The following WDR20 variants were observed in gnomAD, a reference collection of about 807,000 sequenced individuals.
WDR20 encodes WD repeat-containing protein 20.
In WDR20, 3 loss-of-function variants were observed where a neutral mutation model predicts 38.7. The ratio of observed to expected loss-of-function variants is 0.08; its 90% CI spans 0.04 to 0.20. The LOEUF is 0.20. Ranked by LOEUF, WDR20 falls within the 10% of genes least tolerant of loss-of-function variation. The pLI is 1.00. For missense variants in WDR20, 559 were observed against 727.7 expected, an observed-to-expected ratio of 0.77 and a Z score of 2.67; for synonymous variants, 298 against 285.6, an observed-to-expected ratio of 1.04 and a Z score of -0.44.
At position 102,194,538 on chromosome 14, in the gene WDR20, G is replaced by A. The variant is rs547575636; in HGVS notation, c.250-400G>A. 6.1e-4 allele frequency among the ~76,000 whole-genome samples: 93 copies of A among 152,362 alleles called. 1 individual carries two copies. Among genetic ancestry groups the A allele is most frequent in the Middle Eastern group, 3.4e-3 (1 of 294 alleles). On this transcript the variant is annotated intron_variant, in intron 1 of 2. Transcript: ENST00000342702. ...CCACTGGGCTGCAGGTAACTGGCCA[G>A]TGGGCATGTAGGTGCTGTAGATACA...
chr14:102,212,481 C>G, downstream of WDR20: 1 of 1,534,144 alleles, frequency 6.5e-7, no homozygotes, highest in East Asian at 2.4e-5. Context: ...CACTCTGTGT[C>G]CACTCTGCCC....
chr14:102,196,235 C>T (rs1050348580), intron 2 of WDR20, among the ~76,000 whole-genome samples: 5 of 152,096 alleles, frequency 3.3e-5, no homozygotes, highest in Non-Finnish European at 7.3e-5. Flanking sequence ...CATGCCATCT[C>T]TTCTAGTTTC....
chr14:102,161,142 A>ATATATATATATATATATATAT (rs1342924049), intron 1 of WDR20, among the ~76,000 whole-genome samples: 4 of 16,050 alleles, frequency 2.5e-4, no homozygotes, highest in Non-Finnish European at 3.8e-4. Flanking sequence ...ATATATATAT[A>ATATATATATATATATATATAT]TTTTTTTTTT....
chr14:102,142,304 TTTG>T (rs542702339), intron 1 of WDR20, among the ~76,000 whole-genome samples: 169 of 152,348 alleles, frequency 1.1e-3, no homozygotes, highest in Non-Finnish European at 1.9e-3. Flanking sequence ...TTGGCATTTA[TTTG>T]TTGTTATTTC....
At chr14:102,149,715 A>G (rs1426959478) in intron 1 of WDR20, among the ~76,000 whole-genome samples, 1 of 152,106 alleles carries the variant, frequency 6.6e-6, no homozygotes, top group Non-Finnish European at 1.5e-5. Context: ...TTTATTTGAG[A>G]CGGAGTCTCA....
chr14:102,210,805 G>C (rs868284407), downstream of WDR20, among the ~76,000 whole-genome samples: 1 of 152,108 alleles, frequency 6.6e-6, no homozygotes, highest in East Asian at 1.9e-4. Context: ...GCTTTGTTTC[G>C]TAAAGCCTGA....
chr14:102,168,822 C>T (rs553358656), intron 1 of WDR20, among the ~76,000 whole-genome samples: 3 of 152,210 alleles, frequency 2.0e-5, no homozygotes, highest in East Asian at 3.9e-4. Context: ...TCTACCACTA[C>T]CACCCTAGTT....
intron 1 of WDR20, among the ~76,000 whole-genome samples, chr14:102,192,568 G>T (rs529702330): frequency 6.6e-6 from 1 of 152,080 alleles, no homozygotes; most frequent in African/African-American, 2.4e-5. Flanking sequence ...TGGGAGGCAG[G>T]GATGTAAAAA....
chr14:102,141,461 G>C (rs1476710436), intron 1 of WDR20, among the ~76,000 whole-genome samples: 2 of 152,116 alleles, frequency 1.3e-5, no homozygotes, highest in Non-Finnish European at 2.9e-5. Context: ...TATGCTGTTG[G>C]AAGTTATTAA....
At chr14:102,206,315 A>G (rs2061534040) in intron 2 of WDR20, among the ~76,000 whole-genome samples, 1 of 152,136 alleles carries the variant, frequency 6.6e-6, no homozygotes, top group Non-Finnish European at 1.5e-5. Flanking sequence ...ACGGGAGTGA[A>G]GGTTTTTAAT....
At chr14:102,149,592 G>A (rs1351232072) in intron 1 of WDR20, among the ~76,000 whole-genome samples, 1 of 152,164 alleles carries the variant, frequency 6.6e-6, no homozygotes, top group Non-Finnish European at 1.5e-5. Context: ...CTGATTGAGC[G>A]TAAGATGTCC....
At chr14:102,146,761 C>A (rs932945516) in intron 1 of WDR20, among the ~76,000 whole-genome samples, 1 of 152,180 alleles carries the variant, frequency 6.6e-6, no homozygotes, top group African/African-American at 2.4e-5. Context: ...TTTACTGCTT[C>A]AGAGAGGGTC....
chr14:102,193,720 A>C (rs927114362), intron 1 of WDR20, among the ~76,000 whole-genome samples: 3 of 152,218 alleles, frequency 2.0e-5, no homozygotes, highest in African/African-American at 7.2e-5. Context: ...ACTTGGTTCG[A>C]TGTCACAGGC....
At chr14:102,190,667 G>A (rs1392530808) in intron 1 of WDR20, among the ~76,000 whole-genome samples, 2 of 151,760 alleles carry the variant, frequency 1.3e-5, no homozygotes, top group Admixed American at 6.6e-5. Context: ...TGGAGGGCAG[G>A]GGTGCTAGGT....
downstream of WDR20, among the ~76,000 whole-genome samples, chr14:102,219,749 G>T (rs549611143): frequency 1.6e-4 from 25 of 152,372 alleles, no homozygotes; most frequent in South Asian, 5.2e-3. Context: ...GCATGGCGAT[G>T]CATTCTAAAA....
chr14:102,218,876 C>G (rs535593792), downstream of WDR20, among the ~76,000 whole-genome samples: 48 of 152,362 alleles, frequency 3.2e-4, no homozygotes, highest in African/African-American at 1.2e-3. Context: ...CCCAGCAGCT[C>G]CCGCACGCTG....
At chr14:102,144,183 A>T (rs117833157) in intron 1 of WDR20, among the ~76,000 whole-genome samples, 6,524 of 152,016 alleles carry the variant, frequency 0.043, 175 homozygotes, top group Middle Eastern at 0.065. Flanking sequence ...TCTTTAAAAC[A>T]ACAAAAAAGG....
At chr14:102,144,025 A>AAC (rs1227638383) in intron 1 of WDR20, among the ~76,000 whole-genome samples, 441 of 8,604 alleles carry the variant, frequency 0.051, 5 homozygotes, top group African/African-American at 0.074. Flanking sequence ...AAAAAATAAT[A>AAC]AAAAAAAAAT....
intron 2 of WDR20, among the ~76,000 whole-genome samples, chr14:102,195,535 T>C (rs1337757293): frequency 3.3e-5 from 5 of 152,260 alleles, no homozygotes; most frequent in Non-Finnish European, 5.9e-5. Context: ...CTTTTGTATG[T>C]ATGTTTGACA....
Sources: gnomAD v4.1 joint callset for allele counts (sites outside exome capture counted in the v4.1 genomes callset) on GRCh38, gnomAD v4.1.1 for gene constraint, MANE v1.5 for transcripts, NCBI Gene and HGNC (gene_info 2026-07-23, HGNC 2026-07-21) for gene names.